Variants in MAGI1 observed in about 807,000 individuals in gnomAD.
MAGI1 encodes the protein membrane associated guanylate kinase, WW and PDZ domain containing 1, also known as membrane-associated guanylate kinase, WW and PDZ domain-containing protein 1.
A neutral mutation model predicts 139.9 loss-of-function variants in MAGI1; 58 were observed. That is an observed-to-expected ratio of 0.41 (90% CI 0.34 to 0.52). The LOEUF is 0.52. Among genes scored for constraint, MAGI1 ranks in the 20% least tolerant of loss-of-function variants. The pLI, the probability that MAGI1 is intolerant of heterozygous loss-of-function variation, is 0.12. For synonymous variants in MAGI1, 812 were observed against 737.9 expected (o/e 1.10, Z -1.63); for missense variants, 1,874 against 1,901.6 (o/e 0.99, Z 0.27).
At chr3:65,983,728 C>T (rs534990669) in intron 1 of MAGI1, among the ~76,000 whole-genome samples, 91 of 152,222 alleles carry the variant, frequency 6.0e-4, no homozygotes, top group South Asian at 1.9e-3. Flanking sequence ...CAGCACTCCT[C>T]CTAGAGAGAA....
chr3:66,004,473 T>G (rs1465624784), intron 1 of MAGI1, among the ~76,000 whole-genome samples: 1 of 152,108 alleles, frequency 6.6e-6, no homozygotes, highest in African/African-American at 2.4e-5. Context: ...GGAACAAGCA[T>G]CCCAAGATAG....
At position 65,360,492 on chromosome 3, in the gene MAGI1, C is replaced by G. The variant is rs1156544856; in HGVS notation, c.3634+707G>C. 3.0e-6 allele frequency: 3 copies of G among 984,746 alleles called. No individual in the cohort carries two copies. The African/African-American group carries it at 5.3e-5, about 17-fold the overall frequency. The allele number at this position is 984,746 out of a possible 1,614,324, so 61.0% of individuals were successfully genotyped here. Reference sequence around the variant, plus strand: ...ACTCAAATCAAGTCTAAAGATATGACAAAGGAACTCTATGTATAACCTGGC... The same window carrying G: ...ACTCAAATCAAGTCTAAAGATATGAGAAAGGAACTCTATGTATAACCTGGC... On this transcript the variant is annotated intron_variant, in intron 22 of 22. Coordinates refer to ENST00000402939, the MANE Select transcript of MAGI1 (RefSeq NM_001033057.2).
intron 1 of MAGI1, among the ~76,000 whole-genome samples, chr3:65,675,234 T>A (rs1026753413): frequency 6.6e-6 from 1 of 152,200 alleles, no homozygotes; most frequent in Non-Finnish European, 1.5e-5. Flanking sequence ...AAAAGCTCCA[T>A]ATGTTCGGAG....
chr3:65,387,825 C>T (rs1170418470), intron 14 of MAGI1, among the ~76,000 whole-genome samples: 1 of 152,216 alleles, frequency 6.6e-6, no homozygotes, highest in East Asian at 1.9e-4. Flanking sequence ...GATAAAGAAG[C>T]TCAATCGCCA....
chr3:65,661,681 T>TA (rs916575418), intron 1 of MAGI1, among the ~76,000 whole-genome samples: 6 of 152,122 alleles, frequency 3.9e-5, no homozygotes, highest in African/African-American at 1.4e-4. Context: ...GCACTAGTGT[T>TA]ACCTGTTTTT....
intron 1 of MAGI1, among the ~76,000 whole-genome samples, chr3:65,924,459 T>C (rs1426364763): frequency 1.3e-5 from 2 of 152,170 alleles, no homozygotes; most frequent in South Asian, 2.1e-4. Flanking sequence ...CAAGCAAGAA[T>C]ATCATTGGGA....
intron 1 of MAGI1, among the ~76,000 whole-genome samples, chr3:65,795,696 T>TACACATACACACACACAC (rs2040079108): frequency 7.2e-6 from 1 of 138,930 alleles, no homozygotes; most frequent in Non-Finnish European, 1.5e-5. Context: ...GATGATAAGA[T>TACACATACACACACACAC]ACACACACAC....
intron 1 of MAGI1, among the ~76,000 whole-genome samples, chr3:65,812,731 A>G: frequency 1.2e-5 from 1 of 82,100 alleles, no homozygotes; most frequent in East Asian, 3.7e-4. Context: ...TTTTTTTGAG[A>G]CAGAGTTTTG....
At chr3:65,891,342 T>C (rs2060737812) in intron 1 of MAGI1, among the ~76,000 whole-genome samples, 1 of 152,128 alleles carries the variant, frequency 6.6e-6, no homozygotes, top group African/African-American at 2.4e-5. Flanking sequence ...TAAGAAGTCA[T>C]TTACTGAGCA....
chr3:65,787,601 T>C (rs1270774954), intron 1 of MAGI1, among the ~76,000 whole-genome samples: 2 of 150,072 alleles, frequency 1.3e-5, no homozygotes, highest in Non-Finnish European at 3.0e-5. Flanking sequence ...CAGGGCACAT[T>C]CCCTGCCCTC....
chr3:65,480,736 C>A (rs367831855), intron 3 of MAGI1, among the ~76,000 whole-genome samples: 1 of 151,794 alleles, frequency 6.6e-6, no homozygotes, highest in Non-Finnish European at 1.5e-5. Context: ...TAGGCATGCA[C>A]CACCACGCCT....
chr3:65,581,357 T>C (rs955887007), intron 2 of MAGI1, among the ~76,000 whole-genome samples: 3 of 152,116 alleles, frequency 2.0e-5, no homozygotes, highest in Admixed American at 6.6e-5. Flanking sequence ...GGAAAATTAC[T>C]GTACAAGAAA....
At chr3:65,628,416 G>A (rs2084100820) in intron 1 of MAGI1, among the ~76,000 whole-genome samples, 1 of 151,978 alleles carries the variant, frequency 6.6e-6, no homozygotes, top group African/African-American at 2.4e-5. Context: ...AGAAAATCGG[G>A]TGTAAGTTTC....
intron 2 of MAGI1, among the ~76,000 whole-genome samples, chr3:65,515,619 C>G (rs2077830323): frequency 6.6e-6 from 1 of 152,102 alleles, no homozygotes; most frequent in Non-Finnish European, 1.5e-5. Flanking sequence ...CGAAAGAACA[C>G]AAAGACAACA....
intron 1 of MAGI1, among the ~76,000 whole-genome samples, chr3:65,908,742 C>T (rs1302122367): frequency 1.3e-5 from 2 of 152,160 alleles, no homozygotes; most frequent in East Asian, 3.9e-4. Flanking sequence ...TGGCCGACTT[C>T]CCCTCTGGAA....
intron 22 of MAGI1, among the ~76,000 whole-genome samples, chr3:65,357,628 T>A (rs1246629012): frequency 2.0e-5 from 3 of 152,140 alleles, no homozygotes. Flanking sequence ...CCTGGGAAGC[T>A]TTCTGGAGCA....
At chr3:65,494,350 C>A (rs1360105953) in intron 2 of MAGI1, among the ~76,000 whole-genome samples, 1 of 152,140 alleles carries the variant, frequency 6.6e-6, no homozygotes. Flanking sequence ...TGAAATAAGG[C>A]AGAGCATCCA....
At chr3:65,520,161 C>G (rs2078088685) in intron 2 of MAGI1, among the ~76,000 whole-genome samples, 1 of 152,182 alleles carries the variant, frequency 6.6e-6, no homozygotes, top group African/African-American at 2.4e-5. Flanking sequence ...ACAAGCCATC[C>G]CGCTGAGCCC....
intron 1 of MAGI1, among the ~76,000 whole-genome samples, chr3:65,797,057 G>A (rs1045568594): frequency 3.3e-5 from 5 of 151,972 alleles, no homozygotes; most frequent in African/African-American, 1.2e-4. Context: ...GAAAACCTTA[G>A]CTATGCCGCA....
Sources: allele counts gnomAD v4.1 joint callset (sites outside exome capture counted in the v4.1 genomes callset), GRCh38; gene constraint gnomAD v4.1.1; transcripts MANE v1.5; gene names NCBI Gene and HGNC (gene_info 2026-07-23, HGNC 2026-07-21).